Variants in ANO2 observed in about 807,000 individuals in gnomAD.
ANO2 encodes the protein anoctamin 2.
Under a neutral mutation model 124.2 loss-of-function variants are expected in ANO2, and 101 were observed. That is an observed-to-expected ratio of 0.81 (90% CI 0.69 to 0.96). ANO2 has a LOEUF of 0.96. Among genes scored for constraint, ANO2 ranks in the 40% least tolerant of loss-of-function variants. The pLI is 0.00. For missense variants in ANO2, 1,293 were observed against 1,274.5 expected, an observed-to-expected ratio of 1.01 and a Z score of -0.22; for synonymous variants, 486 against 482.5, an observed-to-expected ratio of 1.01 and a Z score of -0.09.
chr12:5,827,918 C>T (rs1954028589), intron 6 of ANO2, 98 bp from the exon 7 acceptor site: 1 of 1,379,670 alleles, frequency 7.2e-7, no homozygotes, highest in Non-Finnish European at 9.9e-7. Context: ...GGGAGGCGCC[C>T]GGGCTCATTT....
chr12:5,940,093 A>G (rs9804890), intron 1 of ANO2, among the ~76,000 whole-genome samples: 138 of 124,270 alleles, frequency 1.1e-3, no homozygotes, highest in African/African-American at 5.2e-3. Context: ...ATGGATGGAT[A>G]GATGGATGGA....
intron 7 of ANO2, among the ~76,000 whole-genome samples, chr12:5,810,923 A>C (rs566810329): frequency 1.3e-5 from 2 of 152,370 alleles, no homozygotes; most frequent in South Asian, 4.1e-4. Flanking sequence ...CTTAGGCCCC[A>C]GCATTGGTAC....
intron 19 of ANO2, among the ~76,000 whole-genome samples, chr12:5,607,456 C>G (rs919323664): frequency 1.0e-4 from 15 of 149,110 alleles, no homozygotes; most frequent in African/African-American, 3.2e-4. Context: ...GGCAATATTT[C>G]TAGAATAACT....
intron 3 of ANO2, among the ~76,000 whole-genome samples, chr12:5,893,893 T>A (rs1939590155): frequency 6.6e-6 from 1 of 152,332 alleles, no homozygotes; most frequent in Middle Eastern, 3.4e-3. Flanking sequence ...TCTACCTTTA[T>A]GGGCATTTGG....
chr12:5,660,232 G>C (rs897820538), intron 14 of ANO2, among the ~76,000 whole-genome samples: 35 of 151,838 alleles, frequency 2.3e-4, no homozygotes, highest in African/African-American at 8.5e-4. Flanking sequence ...ATGAATCCTT[G>C]ATATACAGCC....
intron 1 of ANO2, among the ~76,000 whole-genome samples, chr12:5,943,247 A>C (rs1210777795): frequency 1.3e-5 from 2 of 150,268 alleles, no homozygotes; most frequent in Non-Finnish European, 3.0e-5. Context: ...GAATAAAGAA[A>C]ATGTGGGATG....
chr12:5,600,964 T>C (rs1270148901), intron 19 of ANO2, among the ~76,000 whole-genome samples: 1 of 152,194 alleles, frequency 6.6e-6, no homozygotes, highest in Non-Finnish European at 1.5e-5. Context: ...AATCTAATAG[T>C]TCAAAATAAT....
intron 4 of ANO2, among the ~76,000 whole-genome samples, chr12:5,853,374 A>C (rs1954983489): frequency 2.0e-5 from 3 of 151,910 alleles, no homozygotes; most frequent in Admixed American, 2.0e-4. Context: ...AACATCATCT[A>C]AACTGTGTGG....
intron 3 of ANO2, among the ~76,000 whole-genome samples, chr12:5,897,153 T>G (rs1385281731): frequency 6.6e-6 from 1 of 151,120 alleles, no homozygotes; most frequent in African/African-American, 2.4e-5. Flanking sequence ...AAGAAAAAAA[T>G]AAATAAAAAA....
At chr12:5,874,959 G>T (rs1001780339) in intron 3 of ANO2, among the ~76,000 whole-genome samples, 2 of 152,182 alleles carry the variant, frequency 1.3e-5, no homozygotes, top group African/African-American at 2.4e-5. Context: ...GTGAATTCTG[G>T]TAAAATTTTA....
chr12:5,626,639 T>C (rs1945421894), intron 16 of ANO2, among the ~76,000 whole-genome samples: 1 of 152,098 alleles, frequency 6.6e-6, no homozygotes, highest in Non-Finnish European at 1.5e-5. Flanking sequence ...CAATTCCCCT[T>C]GGATGGTTCA....
intron 2 of ANO2, 38 bp from the exon 3 acceptor site, chr12:5,921,404 T>G (rs775554035): frequency 1.3e-6 from 2 of 1,588,120 alleles, no homozygotes; most frequent in Admixed American, 3.4e-5. Context: ...CAAGGTCTGG[T>G]GAGTAAGGGG....
intron 10 of ANO2, among the ~76,000 whole-genome samples, chr12:5,756,025 T>C (rs1186234392): frequency 6.6e-6 from 1 of 152,174 alleles, no homozygotes; most frequent in Non-Finnish European, 1.5e-5. Context: ...CCATAAGATC[T>C]TAGGCTTTCT....
At chr12:5,829,631 T>A (rs1954087277) in intron 6 of ANO2, among the ~76,000 whole-genome samples, 1 of 152,218 alleles carries the variant, frequency 6.6e-6, no homozygotes, top group African/African-American at 2.4e-5. Flanking sequence ...CTTCCATACG[T>A]CCCATGTGGG....
At chr12:5,709,701 G>C (rs1949741098) in intron 14 of ANO2, among the ~76,000 whole-genome samples, 1 of 152,192 alleles carries the variant, frequency 6.6e-6, no homozygotes, top group Admixed American at 6.5e-5. Context: ...CCCTTTGAGA[G>C]TCTATTCATA....
chr12:5,732,942 G>C (rs1349867116), intron 13 of ANO2: 2 of 1,592,024 alleles, frequency 1.3e-6, no homozygotes, highest in African/African-American at 1.3e-5. Flanking sequence ...ATACGAAGAG[G>C]GGCCCAGTGC....
At position 5,626,213 on chromosome 12, in the gene ANO2, T is replaced by C. The variant is rs1462581055; in HGVS notation, c.1816+8939A>G. On this transcript the variant is annotated intron_variant, in intron 16 of 24. Coordinates refer to ENST00000682330, the MANE Select transcript of ANO2 (RefSeq NM_001364791.2). The stretch of plus-strand genomic sequence containing the variant: ...GTGAAATAGGCAATCACAGGATCTG[T>C]TGCGTTTTGAAGATTGAAGGTGGCA... Among the ~76,000 whole-genome samples the C allele has an allele frequency of 2.0e-5, 3 of 151,908 alleles. 1 individual carries two copies. The highest frequency in any genetic ancestry group is 6.3e-3 in the Middle Eastern group (2 of 316).
intron 10 of ANO2, among the ~76,000 whole-genome samples, chr12:5,783,023 G>T (rs1295583009): frequency 6.6e-6 from 1 of 152,128 alleles, no homozygotes; most frequent in Non-Finnish European, 1.5e-5. Flanking sequence ...CAGCTCAAAG[G>T]TGATGACCCA....
chr12:5,746,807 G>A (rs975817930), intron 11 of ANO2, among the ~76,000 whole-genome samples: 2 of 152,150 alleles, frequency 1.3e-5, no homozygotes, highest in African/African-American at 4.8e-5. Context: ...TGCTATTAAG[G>A]TCTCAGACCT....
Sources: allele counts gnomAD v4.1 joint callset (sites outside exome capture counted in the v4.1 genomes callset), GRCh38; gene constraint gnomAD v4.1.1; transcripts MANE v1.5; gene names NCBI Gene and HGNC (gene_info 2026-07-23, HGNC 2026-07-21).